The following IREB2 variants were observed in gnomAD, a reference collection of about 807,000 sequenced individuals.
The protein encoded by IREB2 is iron responsive element binding protein 2.
A neutral mutation model predicts 118.8 loss-of-function variants in IREB2; 39 were observed. The ratio of observed to expected loss-of-function variants is 0.33; its 90% CI spans 0.25 to 0.43. The LOEUF is 0.43. IREB2 is among the 20% of genes least tolerant of loss of function. The pLI is 1.00. For missense variants in IREB2, 900 were observed against 1,147.3 expected (o/e 0.78, Z 3.11); for synonymous variants, 372 against 392.2 (o/e 0.95, Z 0.61).
Position 78,499,571 on chromosome 15 carries a change from A to G in IREB2, c.*1428A>G, listed in dbSNP as rs1231858106. On this transcript the variant is annotated 3_prime_UTR_variant, in exon 22 of 22. Coordinates refer to ENST00000258886, the MANE Select transcript of IREB2 (RefSeq NM_004136.4). ...CACTAAGAACTTTGCACATAATCAT[A>G]CAATCTTTTGAAAATATTTTGCAAA... 1 of 152,246 alleles carries G rather than the reference A, an allele frequency of 6.6e-6. No homozygotes were observed. Among genetic ancestry groups the G allele is most frequent in the Non-Finnish European group, 1.5e-5 (1 of 68,040 alleles). 9.4% of individuals were successfully genotyped at this position (152,246 alleles called of 1,614,324 possible).
At chr15:78,446,160 A>G (rs1172299076) in intron 2 of IREB2, among the ~76,000 whole-genome samples, 5 of 152,208 alleles carry the variant, frequency 3.3e-5, no homozygotes, top group African/African-American at 1.2e-4. Context: ...TGGTAGAGAC[A>G]CAAATCTGTT....
intron 6 of IREB2, 66 bp from the exon 7 acceptor site, chr15:78,471,675 C>A: frequency 2.1e-6 from 2 of 943,856 alleles, no homozygotes; most frequent in Admixed American, 2.8e-5. Context: ...GTTAATATTA[C>A]ACCTTGATTG....
intron 16 of IREB2, 54 bp from the exon 17 acceptor site, chr15:78,490,368 T>A: frequency 1.7e-6 from 2 of 1,193,980 alleles, no homozygotes; most frequent in South Asian, 2.9e-5. Flanking sequence ...TGCGCCTCTT[T>A]TTCTGAGTCC....
At chr15:78,452,299 T>C (rs950716657) in intron 2 of IREB2, among the ~76,000 whole-genome samples, 47 of 152,098 alleles carry the variant, frequency 3.1e-4, no homozygotes, top group African/African-American at 1.1e-3. Flanking sequence ...AGAGGGGAAA[T>C]CACTGAGTTC....
intron 3 of IREB2, among the ~76,000 whole-genome samples, chr15:78,463,847 A>G (rs962535495): frequency 2.6e-5 from 4 of 152,158 alleles, no homozygotes; most frequent in Non-Finnish European, 4.4e-5. Flanking sequence ...CCCAGCCATC[A>G]AAACTTGAGT....
chr15:78,492,746 G>A (rs1049268027), intron 18 of IREB2, among the ~76,000 whole-genome samples: 1 of 152,074 alleles, frequency 6.6e-6, no homozygotes, highest in Non-Finnish European at 1.5e-5. Flanking sequence ...TTTTTGTAGA[G>A]ATGAGATCTC....
chr15:78,447,353 C>T (rs1274065748), intron 2 of IREB2, among the ~76,000 whole-genome samples: 3 of 143,122 alleles, frequency 2.1e-5, no homozygotes, highest in East Asian at 2.1e-4. Flanking sequence ...TTTTTTGAGA[C>T]GGACTCTTGC....
rs779025999 is a variant in IREB2 at position 78,478,374 on chromosome 15, T to C, written c.1273T>C (p.Ser425Pro). ...VKLFRNDQNS[S>P]GEPEYSQVIQ... Reference sequence around the variant, plus strand: ...ATTGTTTCGAAATGACCAGAATTCTTCAGGAGAACCTGAATACTCCCAGGT... The same window carrying C: ...ATTGTTTCGAAATGACCAGAATTCTCCAGGAGAACCTGAATACTCCCAGGT... The change falls in exon 10 of 22, where the codon TCA (serine) becomes CCA (proline). Residue 425 changes from serine to proline, a missense_variant. By Grantham distance (74) the Ser-to-Pro change is moderately conservative (BLOSUM62 -1). Transcript: ENST00000258886. The C allele has an allele frequency of 6.2e-7, 1 of 1,606,726 alleles. No homozygotes were observed. The highest frequency in any genetic ancestry group is 1.7e-5 in the Admixed American group (1 of 59,990).
At chr15:78,457,657 G>C (rs2051128135) in intron 2 of IREB2, among the ~76,000 whole-genome samples, 1 of 151,892 alleles carries the variant, frequency 6.6e-6, no homozygotes, top group Non-Finnish European at 1.5e-5. Flanking sequence ...AGTTTCAGCT[G>C]TCTCTCCTCT....
intron 2 of IREB2, among the ~76,000 whole-genome samples, chr15:78,444,012 A>G (rs1259235983): frequency 6.6e-6 from 1 of 152,058 alleles, no homozygotes; most frequent in Non-Finnish European, 1.5e-5. Flanking sequence ...CTGACTAGAA[A>G]CATGTCAAAA....
chr15:78,492,362 C>CCAAGATTACCA (rs2051764534), intron 18 of IREB2, among the ~76,000 whole-genome samples: 1 of 150,798 alleles, frequency 6.6e-6, no homozygotes, highest in African/African-American at 2.4e-5. Flanking sequence ...ACAATTTTAC[C>CCAAGATTACCA]AAAAATTACC....
chr15:78,483,389 T>A lies in IREB2; in HGVS notation c.1368T>A (p.Ala456=). 1 of 1,608,334 alleles carries A rather than the reference T, an allele frequency of 6.2e-7. No individual in the cohort carries two copies. Among genetic ancestry groups the A allele is most frequent in the Non-Finnish European group, 8.5e-7 (1 of 1,174,790 alleles). ...SGPKRPQDRV[A]VTDMKSDFQA... is the part of the protein sequence containing the mutation. ...CAAAAAGACCTCAGGATAGAGTTGC[T>A]GTGACAGATATGAAAAGCGATTTCC... Residue 456 remains alanine (A), a synonymous_variant, in exon 11 of 22, where the codon GCT becomes GCA. Coordinates refer to ENST00000258886, the MANE Select transcript of IREB2 (RefSeq NM_004136.4).
chr15:78,486,465 C>T (rs962117973), intron 13 of IREB2, among the ~76,000 whole-genome samples: 4 of 152,220 alleles, frequency 2.6e-5, no homozygotes, highest in African/African-American at 4.8e-5. Flanking sequence ...ATTAGCCAGG[C>T]GTGGTGACGC....
intron 13 of IREB2, 34 bp downstream of exon 13, chr15:78,485,874 T>C (rs764313702): frequency 6.3e-7 from 1 of 1,590,104 alleles, no homozygotes; most frequent in Non-Finnish European, 8.6e-7. Flanking sequence ...ATATTGATAT[T>C]GGTGTTCAGT....
intron 13 of IREB2, 109 bp downstream of exon 13, chr15:78,485,949 GT>G: frequency 2.2e-6 from 2 of 918,100 alleles, no homozygotes; most frequent in Non-Finnish European, 1.6e-6. Flanking sequence ...ATATGCTTTA[GT>G]TTTACTTGCT....
At chr15:78,437,950 T>A (rs560690740), upstream of IREB2, among the ~76,000 whole-genome samples, 1 of 152,228 alleles carries the variant, frequency 6.6e-6, no homozygotes, top group Non-Finnish European at 1.5e-5. Context: ...CTCGAATTCA[T>A]GACCCCAATA....
chr15:78,472,349 CTCTTT>C (rs1461431353), intron 7 of IREB2, among the ~76,000 whole-genome samples: 3 of 151,868 alleles, frequency 2.0e-5, no homozygotes, highest in South Asian at 2.1e-4. Flanking sequence ...CGTGGGCTGT[CTCTTT>C]TCTTTTTTTT....
intron 12 of IREB2, among the ~76,000 whole-genome samples, chr15:78,485,420 G>A (rs1596010498): frequency 6.6e-6 from 1 of 152,122 alleles, no homozygotes; most frequent in African/African-American, 2.4e-5. Flanking sequence ...AGAAGAAAGA[G>A]AAAAAATGGT....
chr15:78,466,535 C>A, intron 5 of IREB2, 46 bp downstream of exon 5: 1 of 1,334,610 alleles, frequency 7.5e-7, no homozygotes. Context: ...AGGTTATTTT[C>A]CAGTTAAGAA....
Sources: allele counts gnomAD v4.1 joint callset (sites outside exome capture counted in the v4.1 genomes callset), GRCh38; gene constraint gnomAD v4.1.1; transcripts MANE v1.5; gene names NCBI Gene and HGNC (gene_info 2026-07-23, HGNC 2026-07-21).